The following INVS variants were observed in gnomAD, a reference collection of about 807,000 sequenced individuals.
INVS encodes the protein inversin.
In INVS, 86 loss-of-function variants were observed where a neutral mutation model predicts 108.8. The observed-to-expected ratio is 0.79, with a 90% CI of 0.66 to 0.95. INVS has a LOEUF of 0.95. Ranked by LOEUF, INVS falls within the 40% of genes least tolerant of loss-of-function variation. The pLI is 0.00. For synonymous variants in INVS, 455 were observed against 473.5 expected, an observed-to-expected ratio of 0.96 and a Z score of 0.51; for missense variants, 1,169 against 1,297.4, an observed-to-expected ratio of 0.90 and a Z score of 1.52.
At chr9:100,170,448 C>G (rs1250493737) in intron 3 of INVS, among the ~76,000 whole-genome samples, 1 of 151,702 alleles carries the variant, frequency 6.6e-6, no homozygotes, top group East Asian at 1.9e-4. Flanking sequence ...CAGCTGTGGT[C>G]CCAGCTACTT....
intron 3 of INVS, among the ~76,000 whole-genome samples, chr9:100,149,865 A>G (rs988013540): frequency 1.3e-5 from 2 of 152,154 alleles, no homozygotes; most frequent in African/African-American, 4.8e-5. Context: ...TGTTTTCTGT[A>G]TACATAAACT....
intron 3 of INVS, among the ~76,000 whole-genome samples, chr9:100,139,551 A>G (rs975665634): frequency 4.6e-5 from 7 of 152,238 alleles, no homozygotes; most frequent in African/African-American, 1.7e-4. Context: ...AGCATATCTG[A>G]AACAAGACCT....
At chr9:100,255,897 A>G (rs1241845769) in intron 10 of INVS, among the ~76,000 whole-genome samples, 2 of 152,160 alleles carry the variant, frequency 1.3e-5, no homozygotes, top group African/African-American at 4.8e-5. Context: ...TGTCTCTGCC[A>G]GGCTTTGGTA....
rs183727954 is a variant in INVS at position 100,170,698 on chromosome 9, A to T, written c.273+44149A>T. On this transcript the variant is annotated intron_variant, in intron 3 of 16. Transcript: ENST00000262457. Reference sequence around the variant, plus strand: ...TCAGAACATACTTTCTATGACCTATAAACAAAATTGTTGCTCTTGAGGTTA... The same window carrying T: ...TCAGAACATACTTTCTATGACCTATTAACAAAATTGTTGCTCTTGAGGTTA... Among the ~76,000 whole-genome samples, 70 of 152,334 alleles carry T rather than the reference A, an allele frequency of 4.6e-4. 1 individual carries two copies. The highest frequency in any genetic ancestry group is 8.2e-4 in the Non-Finnish European group (56 of 68,028).
chr9:100,137,357 A>G (rs10819725), intron 3 of INVS, among the ~76,000 whole-genome samples: 31,941 of 152,052 alleles, frequency 0.21, 5,712 homozygotes, highest in African/African-American at 0.49. Context: ...TGGTTCCATT[A>G]AACTCCTAAA....
chr9:100,253,661 G>A (rs1206331954), intron 10 of INVS, among the ~76,000 whole-genome samples: 2 of 151,982 alleles, frequency 1.3e-5, no homozygotes, highest in Non-Finnish European at 1.5e-5. Context: ...GAGAACATGC[G>A]GTATTTGGTT....
intron 3 of INVS, among the ~76,000 whole-genome samples, chr9:100,155,210 CAAA>C (rs1238068161): frequency 1.2e-5 from 1 of 82,204 alleles, no homozygotes. Flanking sequence ...GACTCCATCT[CAAA>C]AAAAAAAAAA....
At chr9:100,264,772 A>G in intron 10 of INVS, 50 bp from the exon 11 acceptor site, 2 of 1,235,552 alleles carry the variant, frequency 1.6e-6, no homozygotes, top group Non-Finnish European at 2.4e-6. Flanking sequence ...ATAACCACAT[A>G]TCCAAAAATA....
intron 12 of INVS, 41 bp downstream of exon 12, chr9:100,273,117 A>C (rs2118669926): frequency 2.0e-6 from 3 of 1,490,906 alleles, no homozygotes; most frequent in Non-Finnish European, 2.8e-6. Context: ...GCCACCCAGA[A>C]TCAGGGTGGA....
At chr9:100,284,637 C>CCATG (rs1406318213) in intron 13 of INVS, 34 bp downstream of exon 13, 1 of 1,604,506 alleles carries the variant, frequency 6.2e-7, no homozygotes, top group East Asian at 2.2e-5. Flanking sequence ...TTCTGCCGGC[C>CCATG]CATGGACTGT....
chr9:100,294,221 C>T (rs956729642), intron 14 of INVS, among the ~76,000 whole-genome samples: 2 of 151,978 alleles, frequency 1.3e-5, no homozygotes, highest in Non-Finnish European at 2.9e-5. Flanking sequence ...GAGAGGAAGA[C>T]GGATGGGGAG....
At chr9:100,225,697 G>GA (rs1182813942) in intron 3 of INVS, among the ~76,000 whole-genome samples, 5 of 151,312 alleles carry the variant, frequency 3.3e-5, no homozygotes, top group Non-Finnish European at 4.4e-5. Flanking sequence ...TTATTCTTGT[G>GA]AAAAAATTAA....
chr9:100,106,809 A>G (rs568997213), intron 2 of INVS, among the ~76,000 whole-genome samples: 12 of 152,330 alleles, frequency 7.9e-5, no homozygotes, highest in African/African-American at 2.6e-4. Context: ...AAGAGAGAGC[A>G]CAGGGAAAGC....
chr9:100,112,344 G>A (rs538001759), intron 2 of INVS, among the ~76,000 whole-genome samples: 2 of 152,300 alleles, frequency 1.3e-5, no homozygotes, highest in East Asian at 3.9e-4. Flanking sequence ...GGATTGTGGT[G>A]ACATAACCCA....
chr9:100,147,055 G>A (rs569443171), intron 3 of INVS, among the ~76,000 whole-genome samples: 2 of 152,274 alleles, frequency 1.3e-5, no homozygotes, highest in East Asian at 1.9e-4. Flanking sequence ...TTAAATTAAT[G>A]TGTTGAATTG....
intron 3 of INVS, among the ~76,000 whole-genome samples, chr9:100,149,920 C>T (rs1828755781): frequency 6.6e-6 from 1 of 152,170 alleles, no homozygotes; most frequent in Non-Finnish European, 1.5e-5. Flanking sequence ...TTGTCACTTG[C>T]AGAGTGACAA....
At chr9:100,191,091 T>C (rs1048871701) in intron 3 of INVS, among the ~76,000 whole-genome samples, 2 of 152,030 alleles carry the variant, frequency 1.3e-5, no homozygotes, top group Non-Finnish European at 2.9e-5. Context: ...AAACTCCTGG[T>C]CTCAAGTAGT....
intron 3 of INVS, among the ~76,000 whole-genome samples, chr9:100,203,777 G>A (rs1361478628): frequency 1.3e-5 from 2 of 151,876 alleles, no homozygotes; most frequent in Non-Finnish European, 2.9e-5. Flanking sequence ...TGCTGGGCAC[G>A]CCCAGCCCCA....
intron 3 of INVS, among the ~76,000 whole-genome samples, chr9:100,162,047 C>A (rs1829207988): frequency 6.6e-6 from 1 of 152,112 alleles, no homozygotes; most frequent in African/African-American, 2.4e-5. Context: ...TGGGAACTGA[C>A]ATGAAGCACC....
Sources: allele counts gnomAD v4.1 joint callset (sites outside exome capture counted in the v4.1 genomes callset), GRCh38; gene constraint gnomAD v4.1.1; transcripts MANE v1.5; gene names NCBI Gene and HGNC (gene_info 2026-07-23, HGNC 2026-07-21).